NECAB2: variants seen among roughly 807,000 people sequenced by gnomAD.
NECAB2 encodes the protein N-terminal EF-hand calcium-binding protein 2.
NECAB2 carries 68 observed loss-of-function variants against 51.9 expected under a neutral mutation model. The ratio of observed to expected loss-of-function variants is 1.31; its 90% CI spans 1.08 to 1.60. The LOEUF is 1.60. Ranked by LOEUF, NECAB2 falls within the 40% of genes most tolerant of loss-of-function variation. The pLI, the probability that NECAB2 is intolerant of heterozygous loss-of-function variation, is 0.00. For missense variants in NECAB2, 854 were observed against 490.3 expected, an observed-to-expected ratio of 1.74 and a Z score of -7.00; for synonymous variants, 329 against 203.5, an observed-to-expected ratio of 1.62 and a Z score of -5.25.
intron 2 of NECAB2, among the ~76,000 whole-genome samples, 177 bp from the exon 3 acceptor site, chr16:83,978,267 T>G (rs543336378): frequency 4.1e-4 from 63 of 152,302 alleles, no homozygotes; most frequent in South Asian, 1.7e-3. Context: ...GGGTAGGGAT[T>G]ATCTAAAATG....
intron 2 of NECAB2, among the ~76,000 whole-genome samples, chr16:83,977,289 C>T (rs2084423234): frequency 6.6e-6 from 1 of 152,044 alleles, no homozygotes; most frequent in Admixed American, 6.6e-5. Flanking sequence ...TAAGGAGGAA[C>T]AGATCCTTGA....
chr16:84,002,211 C>G, intron 12 of NECAB2, 107 bp from the exon 13 acceptor site: 1 of 1,386,978 alleles, frequency 7.2e-7, no homozygotes, highest in Admixed American at 1.7e-5. Flanking sequence ...GTGTGTCACA[C>G]AAGGACTCAA....
At chr16:83,988,893 T>C (rs2084587692) in intron 5 of NECAB2, among the ~76,000 whole-genome samples, 1 of 152,172 alleles carries the variant, frequency 6.6e-6, no homozygotes, top group South Asian at 2.1e-4. Flanking sequence ...GTGTCAAATC[T>C]GGGGTTGTAT....
rs112237753 is a variant in NECAB2, at chr16:83,980,241, A to G, written c.336-598A>G. On this transcript the variant is annotated intron_variant, in intron 3 of 12. Transcript: ENST00000305202. ...CTTATCAAATCTGCTCCTAAGCTGC[A>G]GAACCACCATAGTTCCCAGCACTGC... 3.5e-3 allele frequency among the ~76,000 whole-genome samples: 536 copies of G among 152,352 alleles called. 3 individuals are homozygous for G. The highest frequency in any genetic ancestry group is 0.012 in the African/African-American group (515 of 41,586).
chr16:84,000,697 C>G, intron 10 of NECAB2, 27 bp from the exon 11 acceptor site: 1 of 1,612,126 alleles, frequency 6.2e-7, no homozygotes, highest in African/African-American at 1.3e-5. Context: ...GCTCCAGCCT[C>G]CTCCCCCCGA....
At chr16:83,996,110 TGCC>T (rs2084694763) in intron 8 of NECAB2, among the ~76,000 whole-genome samples, 1 of 152,194 alleles carries the variant, frequency 6.6e-6, no homozygotes, top group Non-Finnish European at 1.5e-5. Flanking sequence ...CAACCGGAGC[TGCC>T]TCTGGGCTGG....
rs79724762 is a variant in NECAB2, at chr16:83,986,039, G to T, written c.460-4455G>T. Among the ~76,000 whole-genome samples the T allele has an allele frequency of 3.2e-4, 48 of 151,734 alleles. No individual in the cohort carries two copies. The East Asian group carries it at 7.4e-3, about 23-fold the overall frequency. The stretch of plus-strand genomic sequence containing the variant: ...TGTTTCTTTTTTTCTTTTTTGATAC[G>T]GAGTTTCTCTTTCGTTGCCCAGGCC... On this transcript the variant is annotated intron_variant, in intron 5 of 12. Transcript: ENST00000305202.
At chr16:83,994,268 C>T in intron 6 of NECAB2, 34 bp from the exon 7 acceptor site, 3 of 1,605,650 alleles carry the variant, frequency 1.9e-6, no homozygotes, top group Non-Finnish European at 2.6e-6. Context: ...GAAGCCACCG[C>T]CATGGTCTGT....
rs4997523 is a variant in NECAB2 at position 84,001,499 on chromosome 16, G to A, written c.1041-326G>A. ...ATAAAACGAGGGACTAAAAGCCTTCGCAGCTTCTGTGTTGTCATGGGTCCC... is the reference window on the plus strand; with the variant it reads ...ATAAAACGAGGGACTAAAAGCCTTCACAGCTTCTGTGTTGTCATGGGTCCC... On this transcript the variant is annotated intron_variant, in intron 11 of 12. Coordinates refer to ENST00000305202, the MANE Select transcript of NECAB2 (RefSeq NM_019065.3). Among the ~76,000 whole-genome samples the A allele has an allele frequency of 1.1e-4, 16 of 152,060 alleles. No individual in the cohort carries two copies. The East Asian group carries it at 1.5e-3, about 15-fold the overall frequency.
intron 2 of NECAB2, among the ~76,000 whole-genome samples, chr16:83,976,588 T>G (rs2084414247): frequency 6.6e-6 from 1 of 152,120 alleles, no homozygotes; most frequent in Non-Finnish European, 1.5e-5. Context: ...GACTTTTAGT[T>G]GTTAGGTTTT....
rs560000480 is a variant in NECAB2, at chr16:84,002,660, A to G, written c.*314A>G. On this transcript the variant is annotated 3_prime_UTR_variant, in exon 13 of 13. Transcript: ENST00000305202. ...GCCACGCATGACCCACACTGACCAC[A>G]CCCTGCCCTCTTCGGTGACATTCTT... 2.2e-6 allele frequency: 1 copy of G among 460,148 alleles called. No homozygotes were observed. The highest frequency in any genetic ancestry group is 2.7e-5 in the South Asian group (1 of 36,584). 28.5% of individuals were successfully genotyped at this position (460,148 alleles called of 1,614,324 possible). A position where few individuals can be genotyped will look rare whatever the true frequency, so the allele number is the denominator to read the frequency against.
chr16:84,001,678 CACCTT>C, intron 11 of NECAB2, 142 bp from the exon 12 acceptor site: 4 of 642,624 alleles, frequency 6.2e-6, no homozygotes, highest in Admixed American at 2.8e-5. Context: ...GGCACCCCCT[CACCTT>C]CCCACAAAGG....
At chr16:83,995,782 A>G (rs566494910) in intron 8 of NECAB2, among the ~76,000 whole-genome samples, 1 of 152,290 alleles carries the variant, frequency 6.6e-6, no homozygotes, top group East Asian at 1.9e-4. Context: ...AGTCCGAGGG[A>G]GGAAGCTCAA....
intron 10 of NECAB2, among the ~76,000 whole-genome samples, chr16:83,998,831 C>A (rs60151904): frequency 1.3e-5 from 2 of 151,050 alleles, no homozygotes; most frequent in African/African-American, 4.9e-5. Context: ...ATGTCCAGGG[C>A]GGGGCAAGCG....
intron 5 of NECAB2, among the ~76,000 whole-genome samples, chr16:83,985,997 C>T (rs2084547972): frequency 6.6e-6 from 1 of 152,158 alleles, no homozygotes; most frequent in African/African-American, 2.4e-5. Flanking sequence ...TTAAAATACA[C>T]ATCAAATATT....
chr16:83,975,167 C>T lies in NECAB2; in HGVS notation c.226+2992C>T, dbSNP rs1207230555. Among the ~76,000 whole-genome samples, 4 of 129,842 alleles carry T rather than the reference C, an allele frequency of 3.1e-5. 1 individual carries two copies. The highest frequency in any genetic ancestry group is 6.1e-5 in the Non-Finnish European group (4 of 65,490). The allele number at this position is 129,842 out of a possible 152,430, so 85.2% of individuals were successfully genotyped here. A position where few individuals can be genotyped will look rare whatever the true frequency, so the allele number is the denominator to read the frequency against. On this transcript the variant is annotated intron_variant, in intron 2 of 12. Coordinates refer to ENST00000305202, the MANE Select transcript of NECAB2 (RefSeq NM_019065.3). The stretch of plus-strand genomic sequence containing the variant: ...GCAGGTGTGCAGGGAGGTGTGGGTG[C>T]AGGGATGGGAACAGGTGTGCAGGGA...
At chr16:83,972,478 C>A (rs1381286158) in intron 2 of NECAB2, among the ~76,000 whole-genome samples, 1 of 152,216 alleles carries the variant, frequency 6.6e-6, no homozygotes, top group African/African-American at 2.4e-5. Flanking sequence ...TAGGCCTTTT[C>A]CTAGCTGGGC....
chr16:83,968,168 CG>C (rs1356504273), upstream of NECAB2, among the ~76,000 whole-genome samples: 2 of 151,330 alleles, frequency 1.3e-5, no homozygotes, highest in African/African-American at 4.9e-5. Flanking sequence ...GACGGGGCCG[CG>C]GGGCGTGGGC....
At chr16:83,974,341 C>G (rs976183911) in intron 2 of NECAB2, among the ~76,000 whole-genome samples, 1 of 152,194 alleles carries the variant, frequency 6.6e-6, no homozygotes, top group African/African-American at 2.4e-5. Flanking sequence ...CAGCACCCAC[C>G]TCAGAGGGCT....
Sources: gnomAD v4.1 joint callset for allele counts (sites outside exome capture counted in the v4.1 genomes callset) on GRCh38, gnomAD v4.1.1 for gene constraint, MANE v1.5 for transcripts, NCBI Gene and HGNC (gene_info 2026-07-23, HGNC 2026-07-21) for gene names.